The following SCD5 variants were observed in gnomAD, a reference collection of about 807,000 sequenced individuals.
The protein encoded by SCD5 is stearoyl-CoA desaturase 5.
In SCD5, 20 loss-of-function variants were observed where a neutral mutation model predicts 30.4. The observed-to-expected ratio is 0.66, with a 90% CI of 0.46 to 0.96. SCD5 has a LOEUF of 0.96. Ranked by LOEUF, SCD5 falls within the 40% of genes least tolerant of loss-of-function variation. The pLI is 0.00. For synonymous variants in SCD5, 173 were observed against 176.4 expected (o/e 0.98, Z 0.16); for missense variants, 381 against 443.3 (o/e 0.86, Z 1.26).
intron 2 of SCD5, among the ~76,000 whole-genome samples, chr4:82,700,996 T>C (rs1445565781): frequency 2.0e-5 from 3 of 152,142 alleles, no homozygotes; most frequent in East Asian, 1.9e-4. Flanking sequence ...ATCTAACACA[T>C]AACAATTTGT....
chr4:82,726,562 T>TG (rs1039202221), intron 1 of SCD5, among the ~76,000 whole-genome samples: 2 of 151,848 alleles, frequency 1.3e-5, no homozygotes, highest in Admixed American at 1.3e-4. Flanking sequence ...GCAGCTGTTT[T>TG]TTTTTTTTTA....
At chr4:82,757,793 C>T (rs1721264565) in intron 1 of SCD5, among the ~76,000 whole-genome samples, 1 of 152,170 alleles carries the variant, frequency 6.6e-6, no homozygotes. Flanking sequence ...TAGCTTTGTA[C>T]CTGGAACATC....
intron 3 of SCD5, among the ~76,000 whole-genome samples, chr4:82,655,003 C>T (rs566618068): frequency 3.2e-4 from 49 of 152,250 alleles, no homozygotes; most frequent in African/African-American, 1.1e-3. Flanking sequence ...CAAGAGAAGG[C>T]CCTCACCATG....
At chr4:82,650,916 C>A (rs2148814707) in intron 3 of SCD5, among the ~76,000 whole-genome samples, 1 of 150,992 alleles carries the variant, frequency 6.6e-6, no homozygotes, top group East Asian at 1.9e-4. Flanking sequence ...AAATAATAAA[C>A]CTATTACATG....
At chr4:82,717,520 T>C (rs1014795160) in intron 1 of SCD5, among the ~76,000 whole-genome samples, 4 of 151,826 alleles carry the variant, frequency 2.6e-5, no homozygotes, top group Admixed American at 1.3e-4. Flanking sequence ...GGGCAGTAAG[T>C]TTGTGTGTGT....
chr4:82,765,065 T>G (rs1721459118), intron 1 of SCD5, among the ~76,000 whole-genome samples: 1 of 152,224 alleles, frequency 6.6e-6, no homozygotes, highest in Non-Finnish European at 1.5e-5. Context: ...TTTATATTTA[T>G]CTACTATTTA....
chr4:82,739,831 T>C (rs555359553), intron 1 of SCD5, among the ~76,000 whole-genome samples: 2 of 152,374 alleles, frequency 1.3e-5, no homozygotes, highest in South Asian at 4.1e-4. Context: ...GAGAGGCATA[T>C]ATCTGTTCTC....
intron 2 of SCD5, among the ~76,000 whole-genome samples, chr4:82,687,036 T>C (rs1346133960): frequency 6.6e-6 from 1 of 151,950 alleles, no homozygotes; most frequent in Non-Finnish European, 1.5e-5. Flanking sequence ...CTGGGCATGG[T>C]GGTGGGCACC....
chr4:82,797,522 G>C (rs1394086322), intron 1 of SCD5, among the ~76,000 whole-genome samples: 2 of 152,058 alleles, frequency 1.3e-5, no homozygotes, highest in Admixed American at 6.5e-5. Flanking sequence ...TGGCAGGAGT[G>C]GGGGTGCACG....
At chr4:82,772,941 C>A (rs1244998796) in intron 1 of SCD5, among the ~76,000 whole-genome samples, 1 of 152,116 alleles carries the variant, frequency 6.6e-6, no homozygotes, top group Non-Finnish European at 1.5e-5. Context: ...CAAAGATGAA[C>A]AAATAAAGTG....
chr4:82,721,896 G>A (rs1202159479), intron 1 of SCD5, among the ~76,000 whole-genome samples: 2 of 152,208 alleles, frequency 1.3e-5, no homozygotes, highest in Non-Finnish European at 2.9e-5. Flanking sequence ...TAACTGCAAA[G>A]GGGAAAATAG....
chr4:82,670,059 T>C (rs1303983038), intron 3 of SCD5, among the ~76,000 whole-genome samples: 1 of 152,180 alleles, frequency 6.6e-6, no homozygotes, highest in Non-Finnish European at 1.5e-5. Context: ...AAGACCTATA[T>C]ACAGCAGTTC....
At chr4:82,755,713 T>C (rs983770106) in intron 1 of SCD5, among the ~76,000 whole-genome samples, 20 of 152,220 alleles carry the variant, frequency 1.3e-4, no homozygotes, top group Admixed American at 3.9e-4. Context: ...ACTATTATCA[T>C]ATTTCATATT....
chr4:82,664,999 C>CTCTCTCTCTCTCTCTATATATA (rs1219554314), intron 3 of SCD5, among the ~76,000 whole-genome samples: 5 of 70,486 alleles, frequency 7.1e-5, no homozygotes, highest in Admixed American at 1.7e-4. Context: ...CTCTCTCTCT[C>CTCTCTCTCTCTCTCTATATATA]TATATATATA....
intron 3 of SCD5, among the ~76,000 whole-genome samples, chr4:82,641,416 A>G (rs6535363): frequency 0.24 from 36,129 of 152,026 alleles, 4,480 homozygotes; most frequent in East Asian, 0.37. Context: ...CATTAGTGGT[A>G]AATACCAGGA....
intron 1 of SCD5, among the ~76,000 whole-genome samples, chr4:82,787,621 G>A (rs763450980): frequency 5.3e-5 from 8 of 152,154 alleles, no homozygotes; most frequent in Non-Finnish European, 1.0e-4. Context: ...AAATTCCTAT[G>A]TTGAAATCCT....
chr4:82,791,539 C>T (rs1229051382), intron 1 of SCD5, among the ~76,000 whole-genome samples: 2 of 152,038 alleles, frequency 1.3e-5, no homozygotes, highest in African/African-American at 2.4e-5. Context: ...AGGGAATGAG[C>T]GAAGTGAAAC....
At chr4:82,676,406 G>A (rs1010583224) in intron 3 of SCD5, among the ~76,000 whole-genome samples, 4 of 152,194 alleles carry the variant, frequency 2.6e-5, no homozygotes, top group African/African-American at 7.2e-5. Flanking sequence ...TTCAAGCTAG[G>A]AGTATAGGTG....
At chr4:82,706,699 A>C (rs1045168599) in intron 1 of SCD5, among the ~76,000 whole-genome samples, 1 of 152,274 alleles carries the variant, frequency 6.6e-6, no homozygotes, top group Non-Finnish European at 1.5e-5. Flanking sequence ...TTACAATAGC[A>C]AATCTTGAGG....
Sources: gnomAD v4.1 joint callset for allele counts (sites outside exome capture counted in the v4.1 genomes callset) on GRCh38, gnomAD v4.1.1 for gene constraint, MANE v1.5 for transcripts, NCBI Gene and HGNC (gene_info 2026-07-23, HGNC 2026-07-21) for gene names.